The following RAPGEF2 variants were observed in gnomAD, a reference collection of about 807,000 sequenced individuals.
RAPGEF2 encodes PDZ domain containing guanine nucleotide exchange factor (GEF) 1.
RAPGEF2 carries 54 observed loss-of-function variants against 186.7 expected under a neutral mutation model. That is an observed-to-expected ratio of 0.29 (90% confidence interval 0.23 to 0.36). The LOEUF is 0.36. Ranked by LOEUF, RAPGEF2 falls within the 10% of genes least tolerant of loss-of-function variation. The probability of loss-of-function intolerance (pLI) is 1.00; values close to 1 mark genes in which losing one functional copy is unlikely to be tolerated. For synonymous variants in RAPGEF2, 712 were observed against 705.9 expected (o/e 1.01, Z -0.14); for missense variants, 1,532 against 2,045.0 (o/e 0.75, Z 4.84).
chr4:159,337,538 A>T (rs1382063695), intron 17 of RAPGEF2, among the ~76,000 whole-genome samples: 5 of 151,848 alleles, frequency 3.3e-5, no homozygotes, highest in Admixed American at 6.6e-5. Flanking sequence ...ATTTTTTTTT[A>T]AATATATTTC....
chr4:159,244,810 A>G (rs984957114), intron 7 of RAPGEF2, among the ~76,000 whole-genome samples: 1 of 152,004 alleles, frequency 6.6e-6, no homozygotes, highest in Non-Finnish European at 1.5e-5. Flanking sequence ...ACGTATTAGA[A>G]TGCCACAGGT....
Position 159,359,089 on chromosome 4 carries a change from C to G in RAPGEF2, c.*950C>G, listed in dbSNP as rs936904464. On this transcript the variant is annotated 3_prime_UTR_variant, in exon 30 of 30. Coordinates refer to ENST00000691494, the MANE Select transcript of RAPGEF2 (RefSeq NM_001394067.2). ...GCTCCATTGAGATGGATGGCAAACC[C>G]CATTTTTAAGTTATATTTCTTTGAT... The G allele has an allele frequency of 3.3e-5, 5 of 151,926 alleles. No individual in the cohort carries two copies. Among genetic ancestry groups the G allele is most frequent in the Non-Finnish European group, 7.3e-5 (5 of 68,032 alleles). 9.4% of individuals were successfully genotyped at this position (151,926 alleles called of 1,614,324 possible).
intron 26 of RAPGEF2, among the ~76,000 whole-genome samples, chr4:159,352,247 T>G (rs1248142958): frequency 6.6e-6 from 1 of 152,222 alleles, no homozygotes; most frequent in African/African-American, 2.4e-5. Flanking sequence ...ATACAGGTAT[T>G]TCCAGTTGAA....
intron 4 of RAPGEF2, among the ~76,000 whole-genome samples, chr4:159,237,704 T>C (rs1029056930): frequency 6.6e-6 from 1 of 151,806 alleles, no homozygotes; most frequent in African/African-American, 2.4e-5. Flanking sequence ...GTTTATTAAA[T>C]ATGATTACCA....
At chr4:159,308,351 T>G (rs1346411529) in intron 8 of RAPGEF2, among the ~76,000 whole-genome samples, 1 of 152,230 alleles carries the variant, frequency 6.6e-6, no homozygotes. Context: ...ATCTAGTTAT[T>G]GGCTGTGCAA....
chr4:159,232,502 A>T (rs140462767), intron 4 of RAPGEF2, among the ~76,000 whole-genome samples: 5 of 152,248 alleles, frequency 3.3e-5, no homozygotes, highest in African/African-American at 1.2e-4. Flanking sequence ...TTGTGTGTGT[A>T]TGCCACAGCT....
At chr4:159,193,819 G>T (rs1748359253) in intron 3 of RAPGEF2, among the ~76,000 whole-genome samples, 1 of 152,176 alleles carries the variant, frequency 6.6e-6, no homozygotes, top group Non-Finnish European at 1.5e-5. Context: ...TAGACATTTT[G>T]TTTCAATAAT....
intron 11 of RAPGEF2, among the ~76,000 whole-genome samples, chr4:159,325,551 A>G (rs1464295998): frequency 1.3e-5 from 2 of 152,098 alleles, no homozygotes; most frequent in African/African-American, 4.8e-5. Flanking sequence ...TGGAATTACA[A>G]TAGTGTTTGA....
chr4:159,255,275 T>A (rs545206619), intron 7 of RAPGEF2, among the ~76,000 whole-genome samples: 165 of 152,328 alleles, frequency 1.1e-3, no homozygotes, highest in African/African-American at 3.8e-3. Context: ...GTGGCCATTT[T>A]TAAAACTTCT....
intron 7 of RAPGEF2, among the ~76,000 whole-genome samples, chr4:159,265,891 G>A (rs1013003564): frequency 6.6e-6 from 1 of 152,150 alleles, no homozygotes; most frequent in Admixed American, 6.5e-5. Flanking sequence ...GATTGATCAT[G>A]GACAGAGATG....
chr4:159,114,243 A>C (rs1282241019), intron 1 of RAPGEF2, among the ~76,000 whole-genome samples: 1 of 151,632 alleles, frequency 6.6e-6, no homozygotes, highest in Non-Finnish European at 1.5e-5. Context: ...AGCTGGGATT[A>C]CAGGTGCACA....
intron 4 of RAPGEF2, among the ~76,000 whole-genome samples, chr4:159,238,099 A>T (rs2111463644): frequency 6.6e-6 from 1 of 152,204 alleles, no homozygotes; most frequent in East Asian, 1.9e-4. Flanking sequence ...CTTCACCCAA[A>T]TTCTCTGTTC....
chr4:159,201,715 G>A (rs1749434873), intron 3 of RAPGEF2, among the ~76,000 whole-genome samples: 1 of 152,192 alleles, frequency 6.6e-6, no homozygotes, highest in African/African-American at 2.4e-5. Flanking sequence ...AGAGGGAGAA[G>A]CTTCGGAAGT....
chr4:159,192,306 G>GA (rs933702532), intron 2 of RAPGEF2, among the ~76,000 whole-genome samples: 1 of 151,992 alleles, frequency 6.6e-6, no homozygotes, highest in Non-Finnish European at 1.5e-5. Context: ...GAAGAACAAG[G>GA]AAAAAAAGTA....
intron 1 of RAPGEF2, 130 bp downstream of exon 1, chr4:159,104,361 C>T (rs2111036349): frequency 2.2e-6 from 1 of 459,088 alleles, no homozygotes; most frequent in Non-Finnish European, 4.0e-6. Flanking sequence ...GGACCCCCAA[C>T]TTCCAAAGGC....
At chr4:159,153,870 A>G (rs1023097078) in intron 1 of RAPGEF2, among the ~76,000 whole-genome samples, 2 of 152,240 alleles carry the variant, frequency 1.3e-5, no homozygotes, top group African/African-American at 4.8e-5. Context: ...ACCTTGCATT[A>G]AAAGGACATA....
chr4:159,222,176 TAGAG>T (rs1043346402), intron 4 of RAPGEF2, among the ~76,000 whole-genome samples: 2 of 152,010 alleles, frequency 1.3e-5, no homozygotes, highest in Admixed American at 1.3e-4. Flanking sequence ...AGCTGTTCTC[TAGAG>T]AGAGAGAGGG....
chr4:159,243,735 T>C, intron 6 of RAPGEF2, 39 bp from the exon 7 acceptor site: 1 of 1,247,486 alleles, frequency 8.0e-7, no homozygotes, highest in Non-Finnish European at 1.1e-6. Context: ...CATCTTTTCC[T>C]TTCCTCCTTT....
intron 7 of RAPGEF2, among the ~76,000 whole-genome samples, chr4:159,249,124 C>G (rs1175436238): frequency 6.6e-6 from 1 of 152,090 alleles, no homozygotes; most frequent in African/African-American, 2.4e-5. Flanking sequence ...ACTGGTGGCT[C>G]TCTGTGCTTG....
Sources: allele counts gnomAD v4.1 joint callset (sites outside exome capture counted in the v4.1 genomes callset), GRCh38; gene constraint gnomAD v4.1.1; transcripts MANE v1.5; gene names NCBI Gene and HGNC (gene_info 2026-07-23, HGNC 2026-07-21).